PRDM5: variants seen among roughly 807,000 people sequenced by gnomAD.
The protein encoded by PRDM5 is PR domain zinc finger protein 5.
PRDM5 carries 56 observed loss-of-function variants against 81.2 expected under a neutral mutation model. The ratio of observed to expected loss-of-function variants is 0.69; its 90% CI spans 0.56 to 0.86. The LOEUF is 0.86. Among genes scored for constraint, PRDM5 ranks in the 40% least tolerant of loss-of-function variants. The pLI is 0.00. For synonymous variants in PRDM5, 267 were observed against 256.4 expected, an observed-to-expected ratio of 1.04 and a Z score of -0.39; for missense variants, 697 against 770.1, an observed-to-expected ratio of 0.91 and a Z score of 1.12.
chr4:120,710,303 A>T lies in PRDM5; in HGVS notation c.1728+6T>A. ...GACACTATGGGGGAAAAAAATCCAAACTCACATCACACTGAAAAGGCTTTT... is the reference window on the plus strand; with the variant it reads ...GACACTATGGGGGAAAAAAATCCAATCTCACATCACACTGAAAAGGCTTTT... On this transcript the variant is annotated splice_donor_region_variant and intron_variant, in intron 15 of 15. Transcript: ENST00000264808. The T allele has an allele frequency of 6.2e-7, 1 of 1,613,210 alleles. No homozygotes were observed.
At chr4:120,915,764 C>T (rs761874263) in intron 1 of PRDM5, among the ~76,000 whole-genome samples, 11 of 152,136 alleles carry the variant, frequency 7.2e-5, no homozygotes, top group Admixed American at 2.0e-4. Context: ...AAAAGACCAA[C>T]CACTGACACA....
At chr4:120,717,732 A>C in intron 14 of PRDM5, among the ~76,000 whole-genome samples, 1 of 152,174 alleles carries the variant, frequency 6.6e-6, no homozygotes, top group Non-Finnish European at 1.5e-5. Flanking sequence ...CCCTGGATGG[A>C]TCCATCCCAG....
chr4:120,918,828 C>T (rs1281189219), intron 1 of PRDM5, among the ~76,000 whole-genome samples: 2 of 151,992 alleles, frequency 1.3e-5, no homozygotes, highest in African/African-American at 4.8e-5. Flanking sequence ...GTGTTCTCAC[C>T]TGTAAAATGA....
chr4:120,706,758 T>TATA (rs1736224795), intron 15 of PRDM5, among the ~76,000 whole-genome samples: 2 of 143,982 alleles, frequency 1.4e-5, no homozygotes, highest in Admixed American at 7.0e-5. Flanking sequence ...TATATAAATT[T>TATA]TATATATATA....
At chr4:120,779,564 A>T (rs17051252) in intron 12 of PRDM5, among the ~76,000 whole-genome samples, 8,094 of 152,228 alleles carry the variant, frequency 0.053, 350 homozygotes, top group Middle Eastern at 0.15. Flanking sequence ...AGGAACCCAT[A>T]TGCCCTAGAT....
chr4:120,823,114 T>C (rs2149351852), intron 3 of PRDM5, among the ~76,000 whole-genome samples: 1 of 152,284 alleles, frequency 6.6e-6, no homozygotes, highest in Non-Finnish European at 1.5e-5. Flanking sequence ...GACTTCAGAA[T>C]GCAATAATAA....
chr4:120,720,440 G>T (rs113828660), intron 14 of PRDM5, among the ~76,000 whole-genome samples: 8 of 152,244 alleles, frequency 5.3e-5, no homozygotes, highest in African/African-American at 1.7e-4. Context: ...AACCAAATTC[G>T]CAACAGAATC....
chr4:120,744,416 C>G (rs867791464), intron 14 of PRDM5, among the ~76,000 whole-genome samples: 6,845 of 151,678 alleles, frequency 0.045, 271 homozygotes, highest in African/African-American at 0.11. Context: ...CAGGAGGCAA[C>G]AAATAACTAA....
rs543307382 is a variant in PRDM5 at position 120,695,033 on chromosome 4, T to C, written c.*78A>G. On this transcript the variant is annotated 3_prime_UTR_variant, in exon 16 of 16. Transcript: ENST00000264808. ...AGTAAGTCACTTTTGGCTACTTCTG[T>C]TATGCTGATCAGGTGATAAAAATCT... 3 of 1,515,990 alleles carry C rather than the reference T, an allele frequency of 2.0e-6. No homozygotes were observed. Among genetic ancestry groups the C allele is most frequent in the East Asian group, 2.3e-5 (1 of 44,296 alleles). 93.9% of individuals were successfully genotyped at this position (1,515,990 alleles called of 1,614,324 possible).
At chr4:120,873,834 A>G (rs1561563522) in intron 2 of PRDM5, among the ~76,000 whole-genome samples, 1 of 152,098 alleles carries the variant, frequency 6.6e-6, no homozygotes, top group African/African-American at 2.4e-5. Flanking sequence ...AAAGGTACTT[A>G]TTTTTTCAGC....
chr4:120,787,442 T>C (rs941762901), intron 10 of PRDM5, among the ~76,000 whole-genome samples: 5 of 152,178 alleles, frequency 3.3e-5, no homozygotes, highest in Admixed American at 2.0e-4. Flanking sequence ...AGGGACACAA[T>C]TCACCTGACA....
At position 120,736,386 on chromosome 4, in the gene PRDM5, G is replaced by T. The variant is rs77964196; in HGVS notation, c.1623+18167C>A. On this transcript the variant is annotated intron_variant, in intron 14 of 15. Coordinates refer to ENST00000264808, the MANE Select transcript of PRDM5 (RefSeq NM_018699.4). The stretch of plus-strand genomic sequence containing the variant: ...TTTTCATTTGGACAGGCACCCACTA[G>T]TGGGCTTGCTGGATCAAACAGAACT... 4.5e-3 allele frequency among the ~76,000 whole-genome samples: 680 copies of T among 152,196 alleles called. 4 individuals carry two copies. Among genetic ancestry groups the T allele is most frequent in the African/African-American group, 0.016 (651 of 41,514 alleles).
chr4:120,706,846 G>GA (rs1736241506), intron 15 of PRDM5, among the ~76,000 whole-genome samples: 1 of 149,308 alleles, frequency 6.7e-6, no homozygotes, highest in Admixed American at 6.7e-5. Flanking sequence ...CAAACTTCTA[G>GA]AAACACACAG....
At chr4:120,900,632 T>C (rs1022210295) in intron 2 of PRDM5, among the ~76,000 whole-genome samples, 1 of 152,184 alleles carries the variant, frequency 6.6e-6, no homozygotes, top group African/African-American at 2.4e-5. Flanking sequence ...ATATATATTT[T>C]AACTGATAAA....
At chr4:120,686,820 G>C (rs1018349179) in intron 1 of PRDM5, among the ~76,000 whole-genome samples, 1 of 151,636 alleles carries the variant, frequency 6.6e-6, no homozygotes, top group Non-Finnish European at 1.5e-5. Context: ...TTAATCATCA[G>C]ATACAAAAAT....
intron 10 of PRDM5, among the ~76,000 whole-genome samples, chr4:120,788,549 C>T (rs1750096610): frequency 6.6e-6 from 1 of 152,108 alleles, no homozygotes; most frequent in African/African-American, 2.4e-5. Context: ...TTAGAGCATC[C>T]AGGTTGGAAC....
At position 120,755,084 on chromosome 4, in the gene PRDM5, A is replaced by G. The variant is rs531986496; in HGVS notation, c.1538-446T>C. Among the ~76,000 whole-genome samples the G allele has an allele frequency of 2.0e-5, 3 of 151,984 alleles. No individual in the cohort carries two copies. The East Asian group carries it at 5.8e-4, about 29-fold the overall frequency. On this transcript the variant is annotated intron_variant, in intron 13 of 15. Coordinates refer to ENST00000264808, the MANE Select transcript of PRDM5 (RefSeq NM_018699.4). Reference sequence around the variant, plus strand: ...TGTTTCATATAAATGAATTTGACTCAGTTAAGGCTGTGAGTTTCAAAAGAA... The same window carrying G: ...TGTTTCATATAAATGAATTTGACTCGGTTAAGGCTGTGAGTTTCAAAAGAA...
chr4:120,800,814 G>A (rs1334624661), intron 8 of PRDM5, among the ~76,000 whole-genome samples: 6 of 152,036 alleles, frequency 3.9e-5, no homozygotes, highest in Non-Finnish European at 5.9e-5. Context: ...ACATTATGTT[G>A]TATAACTTAA....
chr4:120,762,562 T>C (rs1209241967), intron 13 of PRDM5: 1 of 152,126 alleles, frequency 6.6e-6, no homozygotes, highest in Non-Finnish European at 1.5e-5. Flanking sequence ...AAAAATGTAA[T>C]TGTGAAAGCA....
Sources: gnomAD v4.1 joint callset for allele counts (sites outside exome capture counted in the v4.1 genomes callset) on GRCh38, gnomAD v4.1.1 for gene constraint, MANE v1.5 for transcripts, NCBI Gene and HGNC (gene_info 2026-07-23, HGNC 2026-07-21) for gene names.